TDRP: variants seen among roughly 807,000 people sequenced by gnomAD.
TDRP encodes the protein testis development-related protein.
A neutral mutation model predicts 10.5 loss-of-function variants in TDRP; 12 were observed. The ratio of observed to expected loss-of-function variants is 1.15; its 90% CI spans 0.73 to 1.86. The LOEUF is 1.86. TDRP is among the 40% of genes most tolerant of loss of function. The pLI is 0.00. For missense variants in TDRP, 353 were observed against 229.2 expected (o/e 1.54, Z -3.49); for synonymous variants, 139 against 95.4 (o/e 1.46, Z -2.67).
chr8:504,180 C>T (rs888232265), intron 1 of TDRP, among the ~76,000 whole-genome samples: 1 of 152,242 alleles, frequency 6.6e-6, no homozygotes, highest in African/African-American at 2.4e-5. Context: ...CCTCATCTGT[C>T]AGATGCCAGC....
intron 1 of TDRP, among the ~76,000 whole-genome samples, chr8:534,995 T>C (rs544159747): frequency 9.2e-5 from 14 of 152,262 alleles, no homozygotes; most frequent in African/African-American, 2.9e-4. Flanking sequence ...AAGCATTCCA[T>C]TCTCTGCCCA....
At chr8:527,013 G>A (rs758070251) in intron 1 of TDRP, among the ~76,000 whole-genome samples, 6 of 152,156 alleles carry the variant, frequency 3.9e-5, no homozygotes, top group Non-Finnish European at 7.4e-5. Flanking sequence ...CCAGCATTTT[G>A]GGAGGCTGAG....
Position 491,311 on chromosome 8 carries a change from ACCACTTTTAT to A in TDRP, c.*1078_*1087del. 1 of 298,854 alleles carries A rather than the reference ACCACTTTTAT, an allele frequency of 3.3e-6. No homozygotes were observed. The highest frequency in any genetic ancestry group is 6.1e-6 in the Non-Finnish European group (1 of 163,724). The allele number at this position is 298,854 out of a possible 1,614,324, so 18.5% of individuals were successfully genotyped here. On this transcript the variant is annotated 3_prime_UTR_variant, in exon 3 of 3. Transcript: ENST00000324079. Reference sequence around the variant, plus strand: ...AAGAAAAATATACCTTTTCTTTCAAACCACTTTTATCTAAGAGATATCTGCAGGACTTGCT... The same window carrying A: ...AAGAAAAATATACCTTTTCTTTCAAACTAAGAGATATCTGCAGGACTTGCT...
chr8:503,914 C>G (rs530943295), intron 1 of TDRP, among the ~76,000 whole-genome samples: 177 of 116,770 alleles, frequency 1.5e-3, no homozygotes, highest in African/African-American at 5.5e-3. Flanking sequence ...CACCTCAGCA[C>G]GCACCAACAT....
chr8:492,184 T>G lies in TDRP; in HGVS notation c.*215A>C. On this transcript the variant is annotated 3_prime_UTR_variant, in exon 3 of 3. Transcript: ENST00000324079. ...ACATGGACTGATAGGTGAATATTTC[T>G]GCAATAAGGCAATCAAATGTACAAT... The G allele has an allele frequency of 7.9e-7, 1 of 1,261,586 alleles. No individual in the cohort carries two copies. Among genetic ancestry groups the G allele is most frequent in the Admixed American group, 3.8e-5 (1 of 26,090 alleles). The allele number at this position is 1,261,586 out of a possible 1,614,324, so 78.1% of individuals were successfully genotyped here.
At chr8:531,636 T>A (rs1802201369) in intron 1 of TDRP, among the ~76,000 whole-genome samples, 1 of 152,190 alleles carries the variant, frequency 6.6e-6, no homozygotes, top group African/African-American at 2.4e-5. Flanking sequence ...CAGACTGTCT[T>A]TTCTCTAAAA....
intron 1 of TDRP, among the ~76,000 whole-genome samples, chr8:498,520 G>C (rs1189922157): frequency 2.0e-5 from 3 of 152,126 alleles, no homozygotes; most frequent in Admixed American, 6.5e-5. Flanking sequence ...TGATTTTACA[G>C]GCTTATAGGC....
intron 1 of TDRP, among the ~76,000 whole-genome samples, chr8:521,181 T>A (rs6999057): frequency 6.8e-6 from 1 of 147,640 alleles, no homozygotes; most frequent in Non-Finnish European, 1.5e-5. Flanking sequence ...GGCAGGCGGA[T>A]CATGAGGTCA....
intron 1 of TDRP, among the ~76,000 whole-genome samples, chr8:544,209 A>T (rs1802575094): frequency 6.6e-6 from 1 of 152,066 alleles, no homozygotes; most frequent in Non-Finnish European, 1.5e-5. Context: ...ATGCGCGATG[A>T]TTCAGGCCTT....
chr8:512,448 A>C (rs1801645607), intron 1 of TDRP, among the ~76,000 whole-genome samples: 1 of 152,130 alleles, frequency 6.6e-6, no homozygotes, highest in African/African-American at 2.4e-5. Flanking sequence ...AATAAAAAAA[A>C]ATCAGCAAAA....
intron 1 of TDRP, among the ~76,000 whole-genome samples, chr8:525,763 A>C (rs1584364): frequency 0.57 from 86,329 of 152,054 alleles, 25,517 homozygotes; most frequent in Admixed American, 0.66. Flanking sequence ...GGAAAGAAGA[A>C]AAGACCGCAG....
intron 1 of TDRP, among the ~76,000 whole-genome samples, chr8:512,578 T>C (rs576547300): frequency 4.0e-5 from 6 of 149,904 alleles, no homozygotes; most frequent in Admixed American, 2.0e-4. Flanking sequence ...ACATTGTCCA[T>C]CAAAAAAAAA....
chr8:537,441 C>T (rs1802376150), intron 1 of TDRP, among the ~76,000 whole-genome samples: 1 of 152,208 alleles, frequency 6.6e-6, no homozygotes, highest in Non-Finnish European at 1.5e-5. Context: ...TTAACTATTT[C>T]TATTATTTAA....
At chr8:496,558 T>C (rs1415108901) in intron 1 of TDRP, among the ~76,000 whole-genome samples, 1 of 152,162 alleles carries the variant, frequency 6.6e-6, no homozygotes, top group East Asian at 1.9e-4. Context: ...ACTGCCAAGT[T>C]GTTATGTTCC....
At chr8:512,116 C>G (rs34034399) in intron 1 of TDRP, among the ~76,000 whole-genome samples, 82,966 of 151,668 alleles carry the variant, frequency 0.55, 23,647 homozygotes, top group Middle Eastern at 0.65. Flanking sequence ...ACCAAAATTT[C>G]GTTCTTTAAA....
At chr8:545,371 C>T, upstream of TDRP, among the ~76,000 whole-genome samples, 1 of 141,532 alleles carries the variant, frequency 7.1e-6, no homozygotes, top group African/African-American at 2.7e-5. Flanking sequence ...CGAGCCCCCA[C>T]CCGGCCCCCG....
intron 1 of TDRP, among the ~76,000 whole-genome samples, chr8:505,819 G>C (rs1801446408): frequency 6.6e-6 from 1 of 152,188 alleles, no homozygotes; most frequent in Admixed American, 6.5e-5. Context: ...AGGGTCCAGA[G>C]GCAGCCACAC....
intron 1 of TDRP, among the ~76,000 whole-genome samples, chr8:504,056 C>A (rs1207259017): frequency 6.6e-6 from 1 of 152,080 alleles, no homozygotes; most frequent in Admixed American, 6.5e-5. Flanking sequence ...AAAAGGGTAA[C>A]CCACACCCAC....
At chr8:505,027 T>C (rs1801417705) in intron 1 of TDRP, among the ~76,000 whole-genome samples, 1 of 152,248 alleles carries the variant, frequency 6.6e-6, no homozygotes, top group South Asian at 2.1e-4. Flanking sequence ...ATTTCATACA[T>C]GATGACTTCA....
Sources: allele counts gnomAD v4.1 joint callset (sites outside exome capture counted in the v4.1 genomes callset), GRCh38; gene constraint gnomAD v4.1.1; transcripts MANE v1.5; gene names NCBI Gene and HGNC (gene_info 2026-07-23, HGNC 2026-07-21).